LTBP2: variants seen among roughly 807,000 people sequenced by gnomAD.
LTBP2 encodes latent-transforming growth factor beta-binding protein 2.
In LTBP2, 103 loss-of-function variants were observed where a neutral mutation model predicts 210.6. That is an observed-to-expected ratio of 0.49 (90% CI 0.42 to 0.58). The LOEUF is 0.58. Among genes scored for constraint, LTBP2 ranks in the 20% least tolerant of loss-of-function variants. The pLI is 0.00. For synonymous variants in LTBP2, 1,007 were observed against 1,015.0 expected (o/e 0.99, Z 0.15); for missense variants, 2,313 against 2,494.5 (o/e 0.93, Z 1.55).
intron 4 of LTBP2, among the ~76,000 whole-genome samples, chr14:74,555,233 G>A (rs1241013698): frequency 2.6e-5 from 4 of 152,184 alleles, no homozygotes; most frequent in East Asian, 3.9e-4. Flanking sequence ...GGATATGAGG[G>A]AAGCAAAGGC....
intron 1 of LTBP2, among the ~76,000 whole-genome samples, chr14:74,610,705 GGGT>G (rs1296652283): frequency 6.6e-6 from 1 of 152,230 alleles, no homozygotes; most frequent in Non-Finnish European, 1.5e-5. Context: ...GGTGGGCAGG[GGGT>G]GGTGCCCAGG....
chr14:74,566,625 C>T (rs912355324), intron 3 of LTBP2, among the ~76,000 whole-genome samples: 15 of 152,146 alleles, frequency 9.9e-5, no homozygotes, highest in Non-Finnish European at 4.4e-5. Flanking sequence ...CGAGTAGGGA[C>T]AGCATGTTCA....
rs1372651405 is a variant in LTBP2, at chr14:74,501,779, G to A, written c.5171-189C>T. ...GCAGTACTCTTGAAAAAAAAAGTATGTGTCATTTTAGATGGGGAGAGGTGC... is the reference window on the plus strand; with the variant it reads ...GCAGTACTCTTGAAAAAAAAAGTATATGTCATTTTAGATGGGGAGAGGTGC... On this transcript the variant is annotated intron_variant, in intron 34 of 35. Transcript: ENST00000261978. 43 of 685,398 alleles carry A rather than the reference G, an allele frequency of 6.3e-5. No individual in the cohort carries two copies. The Admixed American group carries it at 1.1e-3, about 18-fold the overall frequency. 42.5% of individuals were successfully genotyped at this position (685,398 alleles called of 1,614,324 possible). A position where few individuals can be genotyped will look rare whatever the true frequency, so the allele number is the denominator to read the frequency against.
At chr14:74,536,034 A>G (rs1403094553) in intron 8 of LTBP2, 34 bp from the exon 9 acceptor site, 1 of 1,587,930 alleles carries the variant, frequency 6.3e-7, no homozygotes, top group South Asian at 1.1e-5. Flanking sequence ...GTCTCACTGG[A>G]CGGCCCCTGG....
In LTBP2 at chr14:74,571,060, G is replaced by A. The variant is rs113319066; in HGVS notation, c.830+14794C>T. ...TAAAAAAAAAAAAAAGAGTGGGCACGGTGGCTCATGCCTGTAATCCCAGCC... is the reference window on the plus strand; with the variant it reads ...TAAAAAAAAAAAAAAGAGTGGGCACAGTGGCTCATGCCTGTAATCCCAGCC... On this transcript the variant is annotated intron_variant, in intron 3 of 35. Transcript: ENST00000261978. 4.0e-3 allele frequency among the ~76,000 whole-genome samples: 597 copies of A among 150,854 alleles called. 1 individual carries two copies. Among genetic ancestry groups the A allele is most frequent in the Non-Finnish European group, 6.4e-3 (432 of 67,848 alleles).
At chr14:74,506,273 A>G (rs1050620009) in intron 27 of LTBP2, 82 bp from the exon 28 acceptor site, 60 of 1,584,990 alleles carry the variant, frequency 3.8e-5, no homozygotes, top group Admixed American at 5.0e-5. Context: ...ACTGCCCCCA[A>G]AAGAAGCAGG....
intron 2 of LTBP2, 114 bp downstream of exon 2, chr14:74,603,521 C>A: frequency 9.9e-7 from 1 of 1,014,754 alleles, no homozygotes; most frequent in South Asian, 1.3e-5. Context: ...CTAGGAAAGA[C>A]GCTTCTGCTC....
intron 24 of LTBP2, 115 bp from the exon 25 acceptor site, chr14:74,508,210 G>A: frequency 7.5e-7 from 1 of 1,333,334 alleles, no homozygotes; most frequent in South Asian, 1.2e-5. Context: ...AGTGGCTTAT[G>A]TAGGAAAAGG....
intron 25 of LTBP2, among the ~76,000 whole-genome samples, 199 bp from the exon 26 acceptor site, chr14:74,507,509 A>T (rs1171843976): frequency 3.3e-5 from 5 of 152,128 alleles, no homozygotes; most frequent in Non-Finnish European, 7.4e-5. Flanking sequence ...ACCGTATGCT[A>T]TTTAGGAAGC....
chr14:74,510,452 G>A (rs1295911116), intron 19 of LTBP2, among the ~76,000 whole-genome samples: 4 of 152,184 alleles, frequency 2.6e-5, no homozygotes, highest in African/African-American at 7.2e-5. Context: ...ATGTATCCAC[G>A]CAGGGGGCCA....
chr14:74,548,621 C>G (rs2087608146), intron 8 of LTBP2, among the ~76,000 whole-genome samples: 1 of 152,142 alleles, frequency 6.6e-6, no homozygotes. Context: ...ACAGGGGAGA[C>G]CTGGGCAGTT....
chr14:74,590,063 T>C (rs1053608438), intron 2 of LTBP2, among the ~76,000 whole-genome samples: 2 of 152,200 alleles, frequency 1.3e-5, no homozygotes, highest in African/African-American at 2.4e-5. Flanking sequence ...TCACTCGTCA[T>C]CAGGGAAATG....
intron 34 of LTBP2, 147 bp from the exon 35 acceptor site, chr14:74,501,737 A>G (rs2086913958): frequency 1.0e-6 from 1 of 963,612 alleles, no homozygotes; most frequent in South Asian, 1.5e-5. Context: ...TCTTGTGGAA[A>G]GATGCTAGAA....
At chr14:74,563,595 C>T (rs1041427382) in intron 3 of LTBP2, among the ~76,000 whole-genome samples, 3 of 152,198 alleles carry the variant, frequency 2.0e-5, no homozygotes, top group African/African-American at 7.2e-5. Flanking sequence ...TATGACCTAA[C>T]AATGGTTTTC....
chr14:74,527,940 G>A (rs2087295706), intron 12 of LTBP2, among the ~76,000 whole-genome samples: 1 of 152,216 alleles, frequency 6.6e-6, no homozygotes, highest in South Asian at 2.1e-4. Flanking sequence ...GACGTTCCAG[G>A]CCTCCTGCAT....
intron 3 of LTBP2, among the ~76,000 whole-genome samples, chr14:74,571,340 C>G (rs1267968494): frequency 3.3e-5 from 5 of 152,034 alleles, no homozygotes; most frequent in African/African-American, 1.2e-4. Flanking sequence ...TCCTCCTCCC[C>G]ACCAAAAAAG....
chr14:74,529,405 C>T (rs781701321), intron 10 of LTBP2, among the ~76,000 whole-genome samples: 1 of 152,206 alleles, frequency 6.6e-6, no homozygotes, highest in Non-Finnish European at 1.5e-5. Flanking sequence ...GATGCAGCTG[C>T]TTGTCTCCAG....
chr14:74,532,169 G>A (rs1252618598), intron 10 of LTBP2, among the ~76,000 whole-genome samples: 4 of 152,158 alleles, frequency 2.6e-5, no homozygotes. Flanking sequence ...AAATAGAAAA[G>A]ACGAATTCCA....
chr14:74,530,490 C>T (rs6574180), intron 10 of LTBP2, among the ~76,000 whole-genome samples: 43,999 of 152,112 alleles, frequency 0.29, 6,684 homozygotes, highest in African/African-American at 0.36. Flanking sequence ...GGCCATACCA[C>T]GTCTGCACTT....
Sources: allele counts gnomAD v4.1 joint callset (sites outside exome capture counted in the v4.1 genomes callset), GRCh38; gene constraint gnomAD v4.1.1; transcripts MANE v1.5; gene names NCBI Gene and HGNC (gene_info 2026-07-23, HGNC 2026-07-21).